FBXO31: variants seen among roughly 807,000 people sequenced by gnomAD.
FBXO31 encodes F-box only protein 31.
Under a neutral mutation model 54.4 loss-of-function variants are expected in FBXO31, and 24 were observed. The observed-to-expected ratio is 0.44, with a 90% CI of 0.32 to 0.62. The LOEUF is 0.62. FBXO31 is among the 20% of genes least tolerant of loss of function. FBXO31 has a pLI of 0.05. For missense variants in FBXO31, 665 were observed against 787.1 expected (o/e 0.84, Z 1.86); for synonymous variants, 388 against 335.6 (o/e 1.16, Z -1.71).
chr16:87,364,304 G>A (rs1438636145), intron 1 of FBXO31, among the ~76,000 whole-genome samples: 3 of 152,214 alleles, frequency 2.0e-5, no homozygotes, highest in African/African-American at 7.2e-5. Context: ...CTCAAAAGGG[G>A]CTAGCATGCT....
intron 5 of FBXO31, among the ~76,000 whole-genome samples, chr16:87,340,499 C>A (rs1216475467): frequency 6.6e-6 from 1 of 152,184 alleles, no homozygotes; most frequent in Non-Finnish European, 1.5e-5. Flanking sequence ...TGGGGCTAAG[C>A]CTTACATTTC....
rs945401057 is a variant in FBXO31 at position 87,383,705 on chromosome 16, G to A, written c.40C>T (p.Arg14Cys). 4 of 1,264,478 alleles carry A rather than the reference G, an allele frequency of 3.2e-6. No individual in the cohort carries two copies. Among genetic ancestry groups the A allele is most frequent in the Non-Finnish European group, 4.0e-6 (4 of 1,011,778 alleles). The allele number at this position is 1,264,478 out of a possible 1,614,324, so 78.3% of individuals were successfully genotyped here. Residue 14 changes from arginine to cysteine, a missense_variant, in exon 1 of 9, where the codon CGC (arginine) becomes TGC (cysteine). Physicochemically the swap from Arg to Cys is radical, Grantham distance 180. Coordinates refer to ENST00000311635, the MANE Select transcript of FBXO31 (RefSeq NM_024735.5). The surrounding 1 kb of genome is among the most constrained non-coding windows in gnomAD (Gnocchi z 4.9). ...CARLCGVGPS[R>C]GCRRRQQRRG... ...CGCTGCTGGCGGCGCCGACATCCGC[G>A]CGACGGGCCCACGCCGCAAAGGCGA...
chr16:87,382,766 G>A (rs913661607), intron 1 of FBXO31, among the ~76,000 whole-genome samples: 5 of 152,168 alleles, frequency 3.3e-5, no homozygotes, highest in African/African-American at 7.2e-5. Context: ...CCGAGTAGCT[G>A]GGATTACAGG....
chr16:87,380,279 A>G (rs973441902), intron 1 of FBXO31, among the ~76,000 whole-genome samples: 16 of 140,988 alleles, frequency 1.1e-4, no homozygotes, highest in Non-Finnish European at 3.0e-5. Flanking sequence ...GCCTGGTGAC[A>G]GAGCGAGACT....
chr16:87,381,190 A>G (rs183008373), intron 1 of FBXO31, among the ~76,000 whole-genome samples: 69 of 152,366 alleles, frequency 4.5e-4, no homozygotes, highest in African/African-American at 1.6e-3. Flanking sequence ...TTCCATGTAC[A>G]TGACAAAAAT....
intron 1 of FBXO31, among the ~76,000 whole-genome samples, chr16:87,373,314 T>C (rs923727464): frequency 6.6e-6 from 1 of 151,838 alleles, no homozygotes; most frequent in Non-Finnish European, 1.5e-5. Flanking sequence ...TAGCCGAGCA[T>C]GGTGTCGGGT....
chr16:87,390,624 A>G (rs1239316088), upstream of FBXO31, among the ~76,000 whole-genome samples: 3 of 151,822 alleles, frequency 2.0e-5, no homozygotes, highest in Non-Finnish European at 4.4e-5. Flanking sequence ...TATTTTTAGT[A>G]GAGATGGGGG....
intron 2 of FBXO31, among the ~76,000 whole-genome samples, chr16:87,347,536 C>T (rs1485288375): frequency 2.0e-5 from 3 of 151,902 alleles, no homozygotes; most frequent in Admixed American, 6.6e-5. Flanking sequence ...AAAAATTAGC[C>T]GGGTGTGGTG....
chr16:87,387,582 G>A (rs1329729108), upstream of FBXO31, among the ~76,000 whole-genome samples: 2 of 152,134 alleles, frequency 1.3e-5, no homozygotes, highest in Non-Finnish European at 2.9e-5. Flanking sequence ...AGGCCGAGGC[G>A]GGTGGATCAT....
At chr16:87,389,971 C>T (rs915950291), upstream of FBXO31, 1 of 152,206 alleles carries the variant, frequency 6.6e-6, no homozygotes, top group African/African-American at 2.4e-5. Context: ...CACAAATGCA[C>T]CGTTATTTCA....
Position 87,328,238 on chromosome 16 carries a change from C to T in FBXO31, c.*3050G>A, listed in dbSNP as rs1904719409. Reference sequence around the variant, plus strand: ...ACTGCAGGTTCTCAGAGAAAAATCTCCAGCTCAGACCCGGTTCTGCACAAA... The same window carrying T: ...ACTGCAGGTTCTCAGAGAAAAATCTTCAGCTCAGACCCGGTTCTGCACAAA... On this transcript the variant is annotated 3_prime_UTR_variant, in exon 9 of 9. Transcript: ENST00000311635. 1 of 152,284 alleles carries T rather than the reference C, an allele frequency of 6.6e-6. No homozygotes were observed. The highest frequency in any genetic ancestry group is 1.5e-5 in the Non-Finnish European group (1 of 68,072). 9.4% of individuals were successfully genotyped at this position (152,284 alleles called of 1,614,324 possible).
chr16:87,347,300 C>T lies in FBXO31; in HGVS notation c.413-50G>A, dbSNP rs774365590. The T allele has an allele frequency of 3.0e-5, 46 of 1,536,050 alleles. 1 individual carries two copies. In the Admixed American group the frequency reaches 6.7e-4, roughly 22 times the overall value. The stretch of plus-strand genomic sequence containing the variant: ...TCTCTGTGTTAGACCCAGCGTGCCG[C>T]AGGGAGCCCAGGAACCCCGAGAGGG... On this transcript the variant is annotated intron_variant, in intron 2 of 8. Coordinates refer to ENST00000311635, the MANE Select transcript of FBXO31 (RefSeq NM_024735.5).
chr16:87,344,323 G>C (rs141674194), intron 3 of FBXO31, among the ~76,000 whole-genome samples: 3,340 of 152,356 alleles, frequency 0.022, 64 homozygotes, highest in African/African-American at 0.053. Context: ...CAAGACCCCG[G>C]GAGGGGCGCT....
At chr16:87,371,958 T>C (rs1316592228) in intron 1 of FBXO31, among the ~76,000 whole-genome samples, 1 of 152,020 alleles carries the variant, frequency 6.6e-6, no homozygotes, top group African/African-American at 2.4e-5. Context: ...GTGCAGTGGC[T>C]CATGTATGTA....
intron 7 of FBXO31, 81 bp from the exon 8 acceptor site, chr16:87,334,367 C>G (rs1166385349): frequency 5.2e-6 from 7 of 1,358,274 alleles, no homozygotes; most frequent in South Asian, 2.9e-5. Context: ...CCAGATCCAC[C>G]TCTGGCTGAG....
At chr16:87,354,699 G>A (rs752572819) in intron 2 of FBXO31, among the ~76,000 whole-genome samples, 7 of 152,202 alleles carry the variant, frequency 4.6e-5, no homozygotes, top group African/African-American at 7.2e-5. Context: ...CGGGCACACT[G>A]GCTCACACCT....
rs202150557 is a variant in FBXO31 at position 87,334,103 on chromosome 16, G to A, written c.1180C>T (p.Arg394Trp). 26 of 1,610,316 alleles carry A rather than the reference G, an allele frequency of 1.6e-5. No homozygotes were observed. Among genetic ancestry groups the A allele is most frequent in the African/African-American group, 9.3e-5 (7 of 74,976 alleles). The change falls in exon 8 of 9, where the codon CGG becomes TGG. Residue 394 changes from arginine to tryptophan, a missense_variant. Around this residue, in one of 4 missense-constraint regions of FBXO31, gnomAD observed 165 missense variants for 159.7 expected, o/e 1.03. Transcript: ENST00000311635. ...GGCTGGGACTCCCGGGGGCCCTGCC[G>A]GCCACGACCCTCGCCCGCCTCGTGC... The part of the protein sequence containing the change: ...GGHEAGEGRG[R>W]QGPRESQPSP...
At chr16:87,385,361 G>C (rs911144304), upstream of FBXO31, among the ~76,000 whole-genome samples, 14 of 152,042 alleles carry the variant, frequency 9.2e-5, no homozygotes, top group African/African-American at 3.1e-4. Flanking sequence ...GGGAGGCTGA[G>C]GCAGGAGAAT....
At chr16:87,359,809 G>A (rs555539187) in intron 2 of FBXO31, among the ~76,000 whole-genome samples, 5 of 152,322 alleles carry the variant, frequency 3.3e-5, no homozygotes, top group African/African-American at 1.2e-4. Flanking sequence ...TGGAAAGCGG[G>A]TGAACCAGAG....
Sources: gnomAD v4.1 joint callset for allele counts (sites outside exome capture counted in the v4.1 genomes callset) on GRCh38, gnomAD v4.1.1 for gene constraint, gnomAD v4.1.1 regional missense constraint, Gnocchi (gnomAD v3.1) non-coding constraint, MANE v1.5 for transcripts, NCBI Gene and HGNC (gene_info 2026-07-23, HGNC 2026-07-21) for gene names.